Variants in ESR1 observed in about 807,000 individuals in gnomAD.
ESR1 encodes estrogen receptor 1, also known as estrogen receptor.
ESR1 carries 12 observed loss-of-function variants against 52.7 expected under a neutral mutation model. The ratio of observed to expected loss-of-function variants is 0.23; its 90% CI spans 0.15 to 0.37. The LOEUF is 0.37. Ranked by LOEUF, ESR1 falls within the 10% of genes least tolerant of loss-of-function variation. The probability of loss-of-function intolerance (pLI) is 1.00; values close to 1 mark genes in which losing one functional copy is unlikely to be tolerated. For missense variants in ESR1, 584 were observed against 779.7 expected, an observed-to-expected ratio of 0.75 and a Z score of 2.99; for synonymous variants, 305 against 316.8, an observed-to-expected ratio of 0.96 and a Z score of 0.39.
At chr6:151,884,865 C>A (rs1052415770) in intron 3 of ESR1, among the ~76,000 whole-genome samples, 1 of 152,190 alleles carries the variant, frequency 6.6e-6, no homozygotes, top group African/African-American at 2.4e-5. Context: ...TACACAGTTA[C>A]CTGACAGTTC....
At chr6:151,697,527 C>T (rs1422713132) in intron 1 of ESR1, among the ~76,000 whole-genome samples, 1 of 152,088 alleles carries the variant, frequency 6.6e-6, no homozygotes, top group African/African-American at 2.4e-5. Flanking sequence ...ATGCTGTTTA[C>T]TTGGAATATT....
At chr6:151,862,810 T>G (rs1789127917) in intron 2 of ESR1, among the ~76,000 whole-genome samples, 1 of 152,114 alleles carries the variant, frequency 6.6e-6, no homozygotes, top group African/African-American at 2.4e-5. Context: ...AGTGGTGAAG[T>G]TTATTGCTTA....
intron 1 of ESR1, among the ~76,000 whole-genome samples, chr6:151,699,938 G>A (rs1315951165): frequency 2.6e-5 from 4 of 152,106 alleles, no homozygotes; most frequent in African/African-American, 9.7e-5. Flanking sequence ...ACCGTGGAGG[G>A]AAAATGTGGA....
intron 2 of ESR1, among the ~76,000 whole-genome samples, chr6:151,788,887 G>T (rs1787264362): frequency 6.6e-6 from 1 of 152,194 alleles, no homozygotes; most frequent in South Asian, 2.1e-4. Context: ...TCACTTGTAA[G>T]TGGGAGCTAC....
chr6:151,950,857 G>T (rs1441549119), intron 4 of ESR1, among the ~76,000 whole-genome samples: 1 of 96,326 alleles, frequency 1.0e-5, no homozygotes, highest in African/African-American at 3.1e-5. Context: ...GGGAGCCCTA[G>T]GAAATTAATA....
At chr6:151,810,726 C>T (rs553765609) in intron 1 of ESR1, among the ~76,000 whole-genome samples, 27 of 152,114 alleles carry the variant, frequency 1.8e-4, no homozygotes, top group Admixed American at 3.9e-4. Context: ...AGTTTTGTTT[C>T]CTGAAAATCT....
chr6:151,740,178 G>A (rs2128055784), intron 2 of ESR1, among the ~76,000 whole-genome samples: 1 of 151,834 alleles, frequency 6.6e-6, no homozygotes, highest in East Asian at 1.9e-4. Context: ...GAGTGCAGTG[G>A]TGCGACCTCT....
intron 2 of ESR1, among the ~76,000 whole-genome samples, chr6:151,720,435 A>C (rs924408721): frequency 6.6e-5 from 10 of 152,202 alleles, no homozygotes; most frequent in Non-Finnish European, 2.9e-5. Flanking sequence ...AGCAAGTAGT[A>C]TTTTCCAAAT....
intron 4 of ESR1, among the ~76,000 whole-genome samples, chr6:151,991,674 C>G (rs555446345): frequency 8.1e-4 from 123 of 152,152 alleles, no homozygotes; most frequent in African/African-American, 2.8e-3. Flanking sequence ...GGAGCAGGGG[C>G]CAGATGGGAA....
intron 3 of ESR1, among the ~76,000 whole-genome samples, chr6:151,906,295 T>G (rs1797444384): frequency 6.6e-6 from 1 of 152,068 alleles, no homozygotes; most frequent in Non-Finnish European, 1.5e-5. Flanking sequence ...ACGTATACAT[T>G]TTGTGTTAAA....
chr6:152,059,244 A>G (rs2047353763), intron 5 of ESR1, among the ~76,000 whole-genome samples: 1 of 152,102 alleles, frequency 6.6e-6, no homozygotes, highest in Non-Finnish European at 1.5e-5. Flanking sequence ...TTAAACATAA[A>G]AGCATGGAAG....
At chr6:151,928,818 A>T (rs1442708203) in intron 3 of ESR1, among the ~76,000 whole-genome samples, 2 of 152,020 alleles carry the variant, frequency 1.3e-5, no homozygotes, top group Non-Finnish European at 2.9e-5. Context: ...TCTTTGACTC[A>T]TACGTTCTTT....
chr6:151,880,285 C>A (rs917785581), intron 2 of ESR1, among the ~76,000 whole-genome samples: 2 of 147,818 alleles, frequency 1.4e-5, no homozygotes, highest in Non-Finnish European at 3.0e-5. Flanking sequence ...CGGGTTCAAG[C>A]GATTCTCCTG....
intron 4 of ESR1, among the ~76,000 whole-genome samples, chr6:151,956,247 T>C (rs2036901007): frequency 6.6e-6 from 1 of 152,202 alleles, no homozygotes; most frequent in Non-Finnish European, 1.5e-5. Flanking sequence ...TACCCAGTAG[T>C]GGGATTCCTT....
intron 3 of ESR1, among the ~76,000 whole-genome samples, chr6:151,915,527 C>G (rs1432880093): frequency 1.3e-5 from 2 of 152,104 alleles, no homozygotes; most frequent in East Asian, 3.9e-4. Context: ...TGAATGACTT[C>G]TAGAAATGGA....
chr6:152,119,839 G>A (rs559386484), intron 6 of ESR1, among the ~76,000 whole-genome samples: 12 of 152,322 alleles, frequency 7.9e-5, no homozygotes, highest in Non-Finnish European at 1.3e-4. Flanking sequence ...TGCGTCTGGC[G>A]TGGCCCTTGC....
At chr6:151,736,331 T>A (rs1782654951) in intron 2 of ESR1, among the ~76,000 whole-genome samples, 1 of 149,898 alleles carries the variant, frequency 6.7e-6, no homozygotes, top group Non-Finnish European at 1.5e-5. Context: ...CTCCTAATTT[T>A]AAAAGTAATA....
intron 4 of ESR1, among the ~76,000 whole-genome samples, chr6:151,957,979 G>A (rs186409732): frequency 1.1e-3 from 167 of 152,254 alleles, no homozygotes; most frequent in African/African-American, 3.8e-3. Context: ...CTGGCCTAAT[G>A]GGGCTACTGG....
Position 151,974,267 on chromosome 6 carries a change from A to G in ESR1, c.1096+29759A>G, listed in dbSNP as rs575916196. On this transcript the variant is annotated intron_variant, in intron 4 of 7. Transcript: ENST00000206249. Reference sequence around the variant, plus strand: ...TGAGATAAGAGTGGCGCCAACTCTTATTGAGTATTTGTTATGTGTCAGGCA... The same window carrying G: ...TGAGATAAGAGTGGCGCCAACTCTTGTTGAGTATTTGTTATGTGTCAGGCA... Among the ~76,000 whole-genome samples, 20 of 152,332 alleles carry G rather than the reference A, an allele frequency of 1.3e-4. No homozygotes were observed. In the East Asian group the frequency reaches 3.9e-3, roughly 29 times the overall value.
Sources: allele counts gnomAD v4.1 joint callset (sites outside exome capture counted in the v4.1 genomes callset), GRCh38; gene constraint gnomAD v4.1.1; transcripts MANE v1.5; gene names NCBI Gene and HGNC (gene_info 2026-07-23, HGNC 2026-07-21).